Variants in STIM2 observed in about 807,000 individuals in gnomAD.
STIM2 encodes the protein stromal interaction molecule 2.
In STIM2, 31 loss-of-function variants were observed where a neutral mutation model predicts 85.8. The ratio of observed to expected loss-of-function variants is 0.36; its 90% CI spans 0.27 to 0.49. The LOEUF is 0.49. Ranked by LOEUF, STIM2 falls within the 20% of genes least tolerant of loss-of-function variation. The pLI is 0.98. For missense variants in STIM2, 841 were observed against 927.6 expected (o/e 0.91, Z 1.21); for synonymous variants, 356 against 331.1 (o/e 1.08, Z -0.82).
rs1365878161 is a variant in STIM2, at chr4:27,008,940, C to T, written c.1427C>T (p.Pro476Leu). The change falls in exon 10 of 12, where the codon CCA (proline) becomes CTA (leucine). Residue 476 changes from proline (P) to leucine (L), a missense_variant. By Grantham distance (98) the Pro-to-Leu change is moderately conservative. Transcript: ENST00000467087. Reference sequence around the variant, plus strand: ...CCCAGAGTCTCCATTCCACCCTATCCAATTGCTGGAGGAGTTGATGACTTA... The same window carrying T: ...CCCAGAGTCTCCATTCCACCCTATCTAATTGCTGGAGGAGTTGATGACTTA... 1.9e-6 allele frequency: 3 copies of T among 1,614,122 alleles called. No homozygotes were observed. In the Admixed American group the frequency reaches 5.0e-5, roughly 27 times the overall value.
intron 1 of STIM2, among the ~76,000 whole-genome samples, chr4:26,868,576 A>G (rs1014444947): frequency 6.6e-6 from 1 of 152,198 alleles, no homozygotes; most frequent in Non-Finnish European, 1.5e-5. Flanking sequence ...GTTTCTTACA[A>G]TATTCTCAAT....
chr4:26,861,436 G>T, intron 1 of STIM2, 67 bp downstream of exon 1: 1 of 1,245,804 alleles, frequency 8.0e-7, no homozygotes, highest in Non-Finnish European at 1.0e-6. Context: ...CCGTGCAGAG[G>T]TCAGCATCTC....
At chr4:26,895,481 A>C (rs1723665630) in intron 1 of STIM2, among the ~76,000 whole-genome samples, 1 of 152,210 alleles carries the variant, frequency 6.6e-6, no homozygotes, top group Admixed American at 6.5e-5. Context: ...GTTAGGAAGC[A>C]TGAACTTGCA....
At chr4:26,909,247 T>C (rs931415371) in intron 1 of STIM2, among the ~76,000 whole-genome samples, 1 of 152,236 alleles carries the variant, frequency 6.6e-6, no homozygotes, top group African/African-American at 2.4e-5. Flanking sequence ...TAGTTATCTA[T>C]TGAGTTACAA....
In STIM2 at chr4:26,904,355, T is replaced by C. The variant is rs781698565; in HGVS notation, c.152-15149T>C. Among the ~76,000 whole-genome samples, 75 of 152,132 alleles carry C rather than the reference T, an allele frequency of 4.9e-4. 1 individual carries two copies. The highest frequency in any genetic ancestry group is 5.9e-4 in the Admixed American group (9 of 15,266). ...ATATATGTATATACTCATGAAGCCA[T>C]CACCATAGTCAGTATAATGAACATA... On this transcript the variant is annotated intron_variant, in intron 1 of 11. Coordinates refer to ENST00000467087, the MANE Select transcript of STIM2 (RefSeq NM_020860.4).
chr4:26,904,103 A>G (rs1343548618), intron 1 of STIM2, among the ~76,000 whole-genome samples: 1 of 57,418 alleles, frequency 1.7e-5, no homozygotes, highest in Non-Finnish European at 3.3e-5. Flanking sequence ...CCCTCCCCCC[A>G]CCCCACAACA....
intron 1 of STIM2, among the ~76,000 whole-genome samples, chr4:26,863,391 A>G (rs933079700): frequency 2.6e-5 from 4 of 152,176 alleles, no homozygotes; most frequent in African/African-American, 7.2e-5. Flanking sequence ...TACAAATTAA[A>G]TTGTTATTTT....
Position 27,022,971 on chromosome 4 carries a change from G to T in STIM2, c.2216G>T (p.Ser739Ile), listed in dbSNP as rs749649077. The change falls in exon 12 of 12, where the codon AGC becomes ATC. Residue 739 changes from serine (S) to isoleucine (I), a missense_variant. Ser to Ile is a moderately radical substitution (Grantham distance 142, BLOSUM62 -2). Coordinates refer to ENST00000467087, the MANE Select transcript of STIM2 (RefSeq NM_020860.4). The stretch of plus-strand genomic sequence containing the variant: ...AGCAAAAAGCCATCAAAAATCAAAA[G>T]CCTTTTTAAGAAGAAATCTAAGTGA... 7 of 1,612,778 alleles carry T rather than the reference G, an allele frequency of 4.3e-6. No homozygotes were observed. In the South Asian group the frequency reaches 6.6e-5, roughly 15 times the overall value.
intron 1 of STIM2, chr4:26,861,780 T>C (rs1207421572): frequency 6.5e-6 from 1 of 154,360 alleles, no homozygotes; most frequent in Admixed American, 6.5e-5. Flanking sequence ...GTGCTGCTTT[T>C]GCAAAGGCAG....
At chr4:26,988,412 A>T (rs1727656872) in intron 3 of STIM2, among the ~76,000 whole-genome samples, 1 of 152,238 alleles carries the variant, frequency 6.6e-6, no homozygotes, top group Admixed American at 6.5e-5. Context: ...GGAAGAAAGG[A>T]AAAACATTCC....
intron 2 of STIM2, among the ~76,000 whole-genome samples, chr4:26,920,553 GATT>G (rs1308085907): frequency 6.6e-6 from 1 of 152,034 alleles, no homozygotes; most frequent in African/African-American, 2.4e-5. Context: ...TTCTCTTTCA[GATT>G]ATATTATAGT....
At chr4:26,988,314 C>A (rs1276584368) in intron 3 of STIM2, among the ~76,000 whole-genome samples, 1 of 152,098 alleles carries the variant, frequency 6.6e-6, no homozygotes, top group Non-Finnish European at 1.5e-5. Context: ...AAGAGCAGCT[C>A]TAATCTGGAA....
intron 1 of STIM2, among the ~76,000 whole-genome samples, chr4:26,897,721 A>G (rs935457163): frequency 6.6e-6 from 1 of 152,192 alleles, no homozygotes; most frequent in Admixed American, 6.5e-5. Flanking sequence ...ATTCCTTAAT[A>G]TCATCTAATA....
chr4:26,976,048 G>A (rs928076692), intron 3 of STIM2, among the ~76,000 whole-genome samples: 4 of 152,222 alleles, frequency 2.6e-5, no homozygotes, highest in East Asian at 1.9e-4. Flanking sequence ...GTGTGGGACC[G>A]CCGAACCAGG....
chr4:26,908,753 G>A (rs1055057252), intron 1 of STIM2, among the ~76,000 whole-genome samples: 74 of 152,190 alleles, frequency 4.9e-4, no homozygotes, highest in African/African-American at 1.7e-3. Flanking sequence ...CAAGGTGTTG[G>A]GATTAGAGGC....
intron 3 of STIM2, among the ~76,000 whole-genome samples, chr4:26,980,466 A>G (rs1015897764): frequency 2.0e-5 from 3 of 148,782 alleles, no homozygotes; most frequent in Non-Finnish European, 3.0e-5. Context: ...GGAGCCTGGA[A>G]AAAAAAAAAA....
chr4:26,988,792 C>T (rs1164496343), intron 3 of STIM2, among the ~76,000 whole-genome samples: 2 of 152,168 alleles, frequency 1.3e-5, no homozygotes, highest in African/African-American at 4.8e-5. Context: ...CAGTTTTCAT[C>T]GCTATCCTGA....
chr4:27,016,549 C>T (rs1332805387), intron 10 of STIM2, among the ~76,000 whole-genome samples: 2 of 152,192 alleles, frequency 1.3e-5, no homozygotes, highest in Admixed American at 6.5e-5. Context: ...ACTTGCACTC[C>T]AATCTAATAT....
At chr4:26,939,656 A>G (rs1437961333) in intron 2 of STIM2, among the ~76,000 whole-genome samples, 1 of 151,870 alleles carries the variant, frequency 6.6e-6, no homozygotes, top group African/African-American at 2.4e-5. Context: ...TTAATTGGGG[A>G]TGTTTGAAAA....
Sources: allele counts gnomAD v4.1 joint callset (sites outside exome capture counted in the v4.1 genomes callset), GRCh38; gene constraint gnomAD v4.1.1; transcripts MANE v1.5; gene names NCBI Gene and HGNC (gene_info 2026-07-23, HGNC 2026-07-21).